The following RAPGEF1 variants were observed in gnomAD, a reference collection of about 807,000 sequenced individuals.
RAPGEF1 encodes Rap guanine nucleotide exchange factor 1, also known as CRK SH3-binding GNRP.
A neutral mutation model predicts 143.3 loss-of-function variants in RAPGEF1; 33 were observed. The observed-to-expected ratio is 0.23, with a 90% CI of 0.17 to 0.31. The LOEUF (loss-of-function observed/expected upper bound fraction) is 0.31, where lower values mean the gene tolerates loss of function less well. RAPGEF1 is among the 10% of genes least tolerant of loss of function. RAPGEF1 has a pLI of 1.00. For missense variants in RAPGEF1, 1,199 were observed against 1,645.4 expected, an observed-to-expected ratio of 0.73 and a Z score of 4.69; for synonymous variants, 629 against 676.5, an observed-to-expected ratio of 0.93 and a Z score of 1.09.
intron 12 of RAPGEF1, among the ~76,000 whole-genome samples, chr9:131,613,903 T>C (rs1958447347): frequency 6.6e-6 from 1 of 152,130 alleles, no homozygotes; most frequent in Non-Finnish European, 1.5e-5. Context: ...GTAGACTACA[T>C]TGTGCTGCTA....
intron 17 of RAPGEF1, among the ~76,000 whole-genome samples, chr9:131,595,018 C>T (rs150651106): frequency 1.2e-4 from 18 of 152,374 alleles, no homozygotes; most frequent in Admixed American, 3.3e-4. Context: ...GGGCTGCACT[C>T]GGCGCTCAGG....
chr9:131,655,242 G>A lies in RAPGEF1; in HGVS notation c.62-4293C>T, dbSNP rs751152304. On this transcript the variant is annotated intron_variant, in intron 1 of 26. Transcript: ENST00000683357. This position sits in a 1 kb window ranked among gnomAD's most constrained non-coding sequence, Gnocchi z 4.1. ...AAAGAGAAAAGCCAGGGCCTGACCC[G>A]CATTCACATGTGGTCAAACCAAACA... 4.6e-5 allele frequency among the ~76,000 whole-genome samples: 7 copies of A among 152,196 alleles called. No homozygotes were observed. Among genetic ancestry groups the A allele is most frequent in the Non-Finnish European group, 8.8e-5 (6 of 68,038 alleles).
Position 131,582,669 on chromosome 9 carries a change from A to C in RAPGEF1, c.3448T>G (p.Ser1150Ala). ...GCCCGGTAGGCTCGGAAGGAGGACG[A>C]GCTGTCGATCAGTGTGCAGTACTCG... ...LAEYCTLIDSSSSFRAYRAAL... is the reference protein window; with the variant it reads ...LAEYCTLIDSASSFRAYRAAL... Residue 1150 changes from serine (S) to alanine (A), a missense_variant, in exon 25 of 27, where the codon TCG becomes GCG. Ser to Ala is a moderately conservative substitution (Grantham distance 99). This residue lies in a region of RAPGEF1 where 209 missense variants were observed against 403.0 expected (regional missense o/e 0.52). Coordinates refer to ENST00000683357, the MANE Select transcript of RAPGEF1 (RefSeq NM_001377935.1). 2 of 1,544,252 alleles carry C rather than the reference A, an allele frequency of 1.3e-6. No individual in the cohort carries two copies.
rs939136864 is a variant in RAPGEF1 at position 131,675,291 on chromosome 9, G to A, written c.62-24342C>T. 3.9e-5 allele frequency among the ~76,000 whole-genome samples: 6 copies of A among 152,164 alleles called. No homozygotes were observed. The highest frequency in any genetic ancestry group is 1.4e-4 in the African/African-American group (6 of 41,444). ...AGGCCCCAGCCCAGCAGGGTCAGCT[G>A]AACAGGTGACCTGACTCAGGGAGGG... is the stretch of plus-strand genomic sequence containing the variant. On this transcript the variant is annotated intron_variant, in intron 1 of 26. Coordinates refer to ENST00000683357, the MANE Select transcript of RAPGEF1 (RefSeq NM_001377935.1). This position sits in a 1 kb window ranked among gnomAD's most constrained non-coding sequence, Gnocchi z 4.6.
chr9:131,630,129 C>G, intron 6 of RAPGEF1, 107 bp downstream of exon 6: 1 of 971,146 alleles, frequency 1.0e-6, no homozygotes, highest in Non-Finnish European at 1.6e-6. Context: ...TATGGGCCTC[C>G]AGCAGCCCAC....
In RAPGEF1 at chr9:131,602,118, C is replaced by A; in HGVS notation, c.2444G>T (p.Arg815Ile). ...EPPAGKDGHP[R>I]DPSAVSGVPG... ...GACGCCGCTGACCGCTGAGGGATCT[C>A]TGGGATGTCCGTCTTTCCCAGCCGG... Residue 815 changes from arginine (R) to isoleucine (I), a missense_variant, in exon 15 of 27, where the codon AGA (arginine) becomes ATA (isoleucine). By Grantham distance (97) the Arg-to-Ile change is moderately conservative. Around this residue, in one of 6 missense-constraint regions of RAPGEF1, gnomAD observed 293 missense variants for 356.2 expected, o/e 0.82. Coordinates refer to ENST00000683357, the MANE Select transcript of RAPGEF1 (RefSeq NM_001377935.1). 1 of 1,600,760 alleles carries A rather than the reference C, an allele frequency of 6.2e-7. No individual in the cohort carries two copies.
At chr9:131,600,474 A>C (rs1265795666) in intron 15 of RAPGEF1, among the ~76,000 whole-genome samples, 2 of 152,200 alleles carry the variant, frequency 1.3e-5, no homozygotes, top group Admixed American at 1.3e-4. Flanking sequence ...AGTCAGAGAG[A>C]CAAGTCAGAG....
At chr9:131,701,896 T>C (rs774712914) in intron 1 of RAPGEF1, among the ~76,000 whole-genome samples, 20 of 152,232 alleles carry the variant, frequency 1.3e-4, no homozygotes, top group Admixed American at 5.9e-4. Context: ...TCCAAAGTCA[T>C]GTTAAATAAT....
At chr9:131,716,730 G>A (rs1279274315) in intron 1 of RAPGEF1, among the ~76,000 whole-genome samples, 7 of 152,168 alleles carry the variant, frequency 4.6e-5, no homozygotes, top group Non-Finnish European at 8.8e-5. Context: ...CCAAGATCGC[G>A]CCATTGCACT....
At chr9:131,734,408 G>A (rs1589129822) in intron 1 of RAPGEF1, among the ~76,000 whole-genome samples, 1 of 152,220 alleles carries the variant, frequency 6.6e-6, no homozygotes, top group Non-Finnish European at 1.5e-5. Context: ...TTGCAGAGAT[G>A]TTCAAGATCG....
chr9:131,588,062 T>G (rs780071074), intron 20 of RAPGEF1, 36 bp from the exon 21 acceptor site: 3 of 1,565,526 alleles, frequency 1.9e-6, no homozygotes, highest in South Asian at 1.1e-5. Flanking sequence ...CCGTCAGGGG[T>G]GGGGAGGCCG....
intron 1 of RAPGEF1, among the ~76,000 whole-genome samples, chr9:131,672,672 AC>A (rs1252096006): frequency 6.6e-6 from 1 of 152,234 alleles, no homozygotes; most frequent in African/African-American, 2.4e-5. Flanking sequence ...ATGGGAAGTG[AC>A]AGGCAGATGG....
chr9:131,681,871 T>C (rs1832939131), intron 1 of RAPGEF1, among the ~76,000 whole-genome samples: 1 of 152,180 alleles, frequency 6.6e-6, no homozygotes, highest in African/African-American at 2.4e-5. Context: ...TACGTTGATT[T>C]TATAGCTCGG....
At chr9:131,702,407 T>C (rs1032268492) in intron 1 of RAPGEF1, among the ~76,000 whole-genome samples, 1 of 152,200 alleles carries the variant, frequency 6.6e-6, no homozygotes, top group East Asian at 1.9e-4. Context: ...CAAATGACTG[T>C]GGGAAATTAA....
intron 3 of RAPGEF1, among the ~76,000 whole-genome samples, chr9:131,644,600 TACAG>T (rs1030534994): frequency 2.0e-5 from 3 of 152,106 alleles, no homozygotes; most frequent in Admixed American, 6.5e-5. Flanking sequence ...TTAAACAATA[TACAG>T]ACAAACAAAT....
chr9:131,690,577 C>T (rs61530242), intron 1 of RAPGEF1, among the ~76,000 whole-genome samples: 38,048 of 151,676 alleles, frequency 0.25, 5,203 homozygotes, highest in Non-Finnish European at 0.31. Flanking sequence ...GAGGGCAGAT[C>T]GCATATAGCC....
chr9:131,636,756 G>A (rs527862084), intron 5 of RAPGEF1, among the ~76,000 whole-genome samples: 1 of 152,302 alleles, frequency 6.6e-6, no homozygotes, highest in Non-Finnish European at 1.5e-5. Context: ...CCCAGGCCAC[G>A]TTCCACTCTG....
intron 19 of RAPGEF1, among the ~76,000 whole-genome samples, chr9:131,589,646 G>A (rs966778809): frequency 3.9e-5 from 6 of 152,084 alleles, no homozygotes; most frequent in African/African-American, 1.2e-4. Flanking sequence ...GGTGCGTTGG[G>A]CGGGTTCTCT....
At chr9:131,645,411 C>T (rs1360129806) in intron 3 of RAPGEF1, among the ~76,000 whole-genome samples, 2 of 152,180 alleles carry the variant, frequency 1.3e-5, no homozygotes, top group African/African-American at 2.4e-5. Flanking sequence ...GGGAGGCACT[C>T]GAAAGTGGCA....
Sources: allele counts gnomAD v4.1 joint callset (sites outside exome capture counted in the v4.1 genomes callset), GRCh38; gene constraint gnomAD v4.1.1; regional missense constraint gnomAD v4.1.1; non-coding constraint Gnocchi (gnomAD v3.1); transcripts MANE v1.5; gene names NCBI Gene and HGNC (gene_info 2026-07-23, HGNC 2026-07-21).